Variants in UBE4B observed in about 807,000 individuals in gnomAD.
UBE4B encodes ubiquitination factor E4B.
A neutral mutation model predicts 148.1 loss-of-function variants in UBE4B; 27 were observed. The observed-to-expected ratio is 0.18, with a 90% confidence interval of 0.13 to 0.25. The LOEUF (loss-of-function observed/expected upper bound fraction) is 0.25. UBE4B is among the 10% of genes least tolerant of loss of function. UBE4B has a pLI of 1.00. For synonymous variants in UBE4B, 596 were observed against 619.3 expected (o/e 0.96, Z 0.56); for missense variants, 1,170 against 1,662.4 (o/e 0.70, Z 5.15).
intron 21 of UBE4B, among the ~76,000 whole-genome samples, chr1:10,156,899 TG>T (rs1482420527): frequency 6.6e-6 from 1 of 152,170 alleles, no homozygotes; most frequent in Admixed American, 6.5e-5. Context: ...CAAGGTATAG[TG>T]GCTCACACCT....
chr1:10,092,483 A>G (rs1441285089), intron 2 of UBE4B, among the ~76,000 whole-genome samples: 1 of 151,700 alleles, frequency 6.6e-6, no homozygotes, highest in Admixed American at 6.6e-5. Context: ...TCAGCTCCCA[A>G]AGTGCTGGGA....
intron 2 of UBE4B, among the ~76,000 whole-genome samples, chr1:10,077,513 C>A (rs1308354275): frequency 6.6e-6 from 1 of 152,210 alleles, no homozygotes; most frequent in Non-Finnish European, 1.5e-5. Context: ...GGAGCCTTGC[C>A]AGTGTTGCTC....
At chr1:10,176,423 T>G (rs907514411) in intron 25 of UBE4B, among the ~76,000 whole-genome samples, 1 of 152,230 alleles carries the variant, frequency 6.6e-6, no homozygotes, top group Non-Finnish European at 1.5e-5. Flanking sequence ...GCCAGAATGT[T>G]TTCTACAGCT....
intron 1 of UBE4B, among the ~76,000 whole-genome samples, chr1:10,070,866 T>C (rs997177974): frequency 2.6e-5 from 4 of 152,210 alleles, no homozygotes; most frequent in African/African-American, 9.6e-5. Flanking sequence ...TGTGTCTTAG[T>C]GTAACTTTTG....
chr1:10,122,102 C>G (rs1339529361), intron 10 of UBE4B, 26 bp downstream of exon 10: 1 of 1,532,910 alleles, frequency 6.5e-7, no homozygotes, highest in East Asian at 2.3e-5. Flanking sequence ...TTTGCTCTTG[C>G]AAATTTTAGC....
rs186629176 is a variant in UBE4B, at chr1:10,072,376, T to C, written c.211+162T>C. ...AATATCATTGCAATGTGTTGTGTTA[T>C]CGCTTTTTTTTTTATTGCAATCTGT... is the stretch of plus-strand genomic sequence containing the variant. On this transcript the variant is annotated intron_variant, in intron 2 of 27. Transcript: ENST00000343090. 71 of 869,928 alleles carry C rather than the reference T, an allele frequency of 8.2e-5. No individual in the cohort carries two copies. In the Admixed American group the frequency reaches 1.2e-3, roughly 14 times the overall value. 53.9% of individuals were successfully genotyped at this position (869,928 alleles called of 1,614,324 possible). A position where few individuals can be genotyped will look rare whatever the true frequency, so the allele number is the denominator to read the frequency against.
At chr1:10,054,080 AAGAC>A (rs1041265372) in intron 1 of UBE4B, among the ~76,000 whole-genome samples, 3 of 152,158 alleles carry the variant, frequency 2.0e-5, no homozygotes, top group African/African-American at 7.2e-5. Context: ...TTTAAAAAAA[AAGAC>A]AGGATTTTTG....
chr1:10,155,503 T>C (rs1646055161), intron 21 of UBE4B, among the ~76,000 whole-genome samples: 1 of 152,206 alleles, frequency 6.6e-6, no homozygotes, highest in Non-Finnish European at 1.5e-5. Context: ...GCTACTGTGC[T>C]GGTCTTCCTA....
At chr1:10,166,800 G>A (rs1016831811) in intron 23 of UBE4B, among the ~76,000 whole-genome samples, 2 of 151,884 alleles carry the variant, frequency 1.3e-5, no homozygotes, top group East Asian at 1.9e-4. Context: ...TGGCACGCAC[G>A]TGTAATCCCA....
chr1:10,108,509 C>G (rs1645160388), intron 7 of UBE4B, among the ~76,000 whole-genome samples: 1 of 152,204 alleles, frequency 6.6e-6, no homozygotes. Context: ...TTCTAATCCT[C>G]TGACTCATTG....
chr1:10,068,848 A>G (rs1644436443), intron 1 of UBE4B, among the ~76,000 whole-genome samples: 1 of 152,170 alleles, frequency 6.6e-6, no homozygotes, highest in Admixed American at 6.5e-5. Flanking sequence ...ATTATCCTCT[A>G]CTGAGAGCCC....
At chr1:10,149,064 G>A (rs1043042328) in intron 19 of UBE4B, 120 bp from the exon 20 acceptor site, 1 of 678,570 alleles carries the variant, frequency 1.5e-6, no homozygotes, top group Admixed American at 3.1e-5. Context: ...TTATTACATA[G>A]TATTACAGAA....
chr1:10,100,353 G>A (rs1644990442), intron 3 of UBE4B, among the ~76,000 whole-genome samples: 1 of 152,034 alleles, frequency 6.6e-6, no homozygotes, highest in Admixed American at 6.6e-5. Context: ...GTCTTGCTAT[G>A]CTGCCCAGGC....
At position 10,095,557 on chromosome 1, in the gene UBE4B, C is replaced by A; in HGVS notation, c.308C>A (p.Ser103Tyr). Residue 103 changes from serine (S) to tyrosine (Y), a missense_variant, in exon 3 of 28, where the codon TCC becomes TAC. Physicochemically the swap from Ser to Tyr is moderately radical, Grantham distance 144. Around this residue, in one of 6 missense-constraint regions of UBE4B, gnomAD observed 127 missense variants for 153.2 expected, o/e 0.83. Coordinates refer to ENST00000343090, the MANE Select transcript of UBE4B (RefSeq NM_001105562.3). ...ACGCAATCTCAGTCTCTCTCACGTT[C>A]CCAGAGCATGGATATCGATGGTGTC... Reference protein sequence around the residue: ...LETQSQSLSRSQSMDIDGVSC... With the variant: ...LETQSQSLSRYQSMDIDGVSC... 1 of 1,614,092 alleles carries A rather than the reference C, an allele frequency of 6.2e-7. No individual in the cohort carries two copies. Among genetic ancestry groups the A allele is most frequent in the Non-Finnish European group, 8.5e-7 (1 of 1,180,028 alleles).
At chr1:10,179,622 A>T in intron 27 of UBE4B, 60 bp downstream of exon 27, 1 of 1,596,976 alleles carries the variant, frequency 6.3e-7, no homozygotes, top group Non-Finnish European at 8.5e-7. Flanking sequence ...ATAAAGCCCA[A>T]GTCACATATT....
Position 10,106,378 on chromosome 1 carries a change from C to G in UBE4B, c.991C>G (p.Arg331Gly). 2.5e-6 allele frequency: 4 copies of G among 1,612,558 alleles called. No homozygotes were observed. Among genetic ancestry groups the G allele is most frequent in the Non-Finnish European group, 3.4e-6 (4 of 1,178,820 alleles). ...AAGCCAGCCTTCATCCCCGCGGTAT[C>G]GCCCCTACACTGTCACTCACCCATG... ...AGSQPSSPRY[R>G]PYTVTHPWAS... is the part of the protein sequence containing the mutation. The change falls in exon 7 of 28, where the codon CGC becomes GGC. Residue 331 changes from arginine (R) to glycine (G), a missense_variant. Transcript: ENST00000343090. The surrounding 1 kb of genome is among the most constrained non-coding windows in gnomAD (Gnocchi z 4.2).
At chr1:10,098,357 A>G (rs903329933) in intron 3 of UBE4B, among the ~76,000 whole-genome samples, 11 of 152,220 alleles carry the variant, frequency 7.2e-5, no homozygotes, top group Non-Finnish European at 1.3e-4. Context: ...ACATTAATTC[A>G]TGGTAATAAG....
chr1:10,076,955 C>T (rs1570835900), intron 2 of UBE4B, among the ~76,000 whole-genome samples: 1 of 151,874 alleles, frequency 6.6e-6, no homozygotes, highest in East Asian at 1.9e-4. Flanking sequence ...CCACGTTGGC[C>T]AGGCTGGTCT....
intron 1 of UBE4B, among the ~76,000 whole-genome samples, chr1:10,056,725 G>A (rs1037632517): frequency 3.3e-5 from 5 of 152,226 alleles, no homozygotes; most frequent in Non-Finnish European, 5.9e-5. Flanking sequence ...CTAGCTACGC[G>A]ATTGCTCATT....
Sources: allele counts gnomAD v4.1 joint callset (sites outside exome capture counted in the v4.1 genomes callset), GRCh38; gene constraint gnomAD v4.1.1; regional missense constraint gnomAD v4.1.1; non-coding constraint Gnocchi (gnomAD v3.1); transcripts MANE v1.5; gene names NCBI Gene and HGNC (gene_info 2026-07-23, HGNC 2026-07-21).